Variants in STOX1 observed in about 807,000 individuals in gnomAD.
STOX1 encodes storkhead-box protein 1.
A neutral mutation model predicts 74.8 loss-of-function variants in STOX1; 57 were observed. That is an observed-to-expected ratio of 0.76 (90% CI 0.62 to 0.95). The LOEUF is 0.95. Among genes scored for constraint, STOX1 ranks in the 40% least tolerant of loss-of-function variants. The pLI is 0.00. For missense variants in STOX1, 1,010 were observed against 1,117.0 expected, an observed-to-expected ratio of 0.90 and a Z score of 1.37; for synonymous variants, 375 against 401.3, an observed-to-expected ratio of 0.93 and a Z score of 0.78.
intron 1 of STOX1, among the ~76,000 whole-genome samples, chr10:68,844,757 A>AT (rs1351477486): frequency 4.0e-5 from 6 of 151,136 alleles, no homozygotes; most frequent in Non-Finnish European, 8.9e-5. Flanking sequence ...TTGTCTTTTT[A>AT]TTTTTTAATA....
intron 1 of STOX1, among the ~76,000 whole-genome samples, chr10:68,860,623 C>CTGTTAAGT (rs1161361875): frequency 6.9e-6 from 1 of 144,850 alleles, no homozygotes; most frequent in Non-Finnish European, 1.5e-5. Context: ...TGTCATATGT[C>CTGTTAAGT]TGTTAAGTTA....
chr10:68,833,971 A>G (rs917085119), intron 1 of STOX1, among the ~76,000 whole-genome samples: 17 of 152,168 alleles, frequency 1.1e-4, no homozygotes, highest in South Asian at 4.1e-4. Flanking sequence ...GTGGGAGGCC[A>G]TGTTCTGGAA....
chr10:68,849,259 C>T (rs534829314), intron 1 of STOX1, among the ~76,000 whole-genome samples: 1 of 152,258 alleles, frequency 6.6e-6, no homozygotes, highest in South Asian at 2.1e-4. Context: ...CTAACTTCTC[C>T]CCTAACTGGC....
chr10:68,850,447 A>T (rs1839955479), intron 1 of STOX1, among the ~76,000 whole-genome samples: 1 of 152,190 alleles, frequency 6.6e-6, no homozygotes, highest in African/African-American at 2.4e-5. Context: ...AGTGCTGTAG[A>T]GCTCATTGGT....
intron 1 of STOX1, among the ~76,000 whole-genome samples, chr10:68,873,734 T>C (rs1840605265): frequency 6.9e-6 from 1 of 144,948 alleles, no homozygotes; most frequent in South Asian, 2.3e-4. Flanking sequence ...TCCTGCAAAC[T>C]CCACCTCCCG....
chr10:68,888,205 A>G (rs1283649294), intron 3 of STOX1, among the ~76,000 whole-genome samples: 1 of 152,024 alleles, frequency 6.6e-6, no homozygotes, highest in East Asian at 1.9e-4. Context: ...GGTTCAAGCA[A>G]TTCTCCTGGT....
intron 1 of STOX1, among the ~76,000 whole-genome samples, chr10:68,838,567 G>A (rs1839616173): frequency 6.6e-6 from 1 of 151,948 alleles, no homozygotes; most frequent in African/African-American, 2.4e-5. Flanking sequence ...TCTTTTATTT[G>A]TTTTTCTTGG....
chr10:68,891,568 C>T (rs1395809351), intron 3 of STOX1, among the ~76,000 whole-genome samples: 2 of 152,044 alleles, frequency 1.3e-5, no homozygotes, highest in African/African-American at 4.8e-5. Flanking sequence ...CTTTGGGAGG[C>T]TGGAGCGGGT....
rs374175865 is a variant in STOX1 at position 68,853,240 on chromosome 10, A to C, written c.310+25307A>C. On this transcript the variant is annotated intron_variant, in intron 1 of 3. Transcript: ENST00000298596. ...GTGCCCGGCCGGTCATTTTGTTTTA[A>C]TGTGATCAGCAGGTGCTAGGACCCA... Among the ~76,000 whole-genome samples the C allele has an allele frequency of 2.6e-4, 40 of 152,070 alleles. No individual in the cohort carries two copies. The South Asian group carries it at 7.9e-3, about 30-fold the overall frequency.
intron 2 of STOX1, among the ~76,000 whole-genome samples, chr10:68,882,332 T>A (rs1840830402): frequency 6.6e-6 from 1 of 152,032 alleles, no homozygotes; most frequent in African/African-American, 2.4e-5. Context: ...CTTATGGCAA[T>A]AAATAAATAA....
At position 68,831,929 on chromosome 10, in the gene STOX1, C is replaced by CTT. The variant is rs75873763; in HGVS notation, c.310+4009_310+4010dup. On this transcript the variant is annotated intron_variant, in intron 1 of 3. Transcript: ENST00000298596. ...CAAATGTTGTATTTTCTTTTCTTTT[C>CTT]TTTTTTTTTTTTTTAAGTGGAGACA... Among the ~76,000 whole-genome samples the CTT allele has an allele frequency of 9.0e-4, 129 of 143,340 alleles. 1 individual carries two copies. The highest frequency in any genetic ancestry group is 1.7e-3 in the African/African-American group (66 of 38,914). 94.0% of individuals were successfully genotyped at this position (143,340 alleles called of 152,430 possible).
At chr10:68,832,840 T>G (rs1339993246) in intron 1 of STOX1, among the ~76,000 whole-genome samples, 1 of 152,070 alleles carries the variant, frequency 6.6e-6, no homozygotes, top group Non-Finnish European at 1.5e-5. Flanking sequence ...CATGGGTCAC[T>G]GCAGCTTCGA....
chr10:68,834,303 G>A (rs1356052807), intron 1 of STOX1, among the ~76,000 whole-genome samples: 1 of 152,160 alleles, frequency 6.6e-6, no homozygotes, highest in African/African-American at 2.4e-5. Flanking sequence ...GATCTGGTTT[G>A]GGAGAGGAAG....
At chr10:68,834,053 C>T (rs1435437780) in intron 1 of STOX1, among the ~76,000 whole-genome samples, 1 of 152,150 alleles carries the variant, frequency 6.6e-6, no homozygotes, top group Admixed American at 6.6e-5. Context: ...TTTAATTAGG[C>T]AGGAGTTCTT....
intron 1 of STOX1, among the ~76,000 whole-genome samples, chr10:68,880,681 G>A (rs570113714): frequency 6.7e-5 from 10 of 148,326 alleles, no homozygotes; most frequent in African/African-American, 2.2e-4. Context: ...TTTGTTTTTT[G>A]TTTTTTTTGA....
intron 3 of STOX1, among the ~76,000 whole-genome samples, chr10:68,887,850 C>T (rs997302945): frequency 6.6e-6 from 1 of 152,122 alleles, no homozygotes; most frequent in Non-Finnish European, 1.5e-5. Flanking sequence ...CCTCCTCAGC[C>T]TCCCAAAGTG....
rs200497618 is a variant in STOX1, at chr10:68,884,573, A to G, written c.777A>G (p.Pro259=). The change falls in exon 3 of 4, where the codon CCA becomes CCG. Residue 259 remains proline, a synonymous_variant. Transcript: ENST00000298596. ...DMHTQDVQEA[P]VAAEVTRKSH... is the part of the protein sequence containing the mutation. Reference sequence around the variant, plus strand: ...ACACTCAGGATGTTCAGGAAGCACCAGTTGCTGCAGAAGTGACTAGGAAGA... The same window carrying G: ...ACACTCAGGATGTTCAGGAAGCACCGGTTGCTGCAGAAGTGACTAGGAAGA... 9.8e-5 allele frequency: 158 copies of G among 1,613,832 alleles called. No homozygotes were observed. The Middle Eastern group carries it at 5.3e-3, about 54-fold the overall frequency.
At chr10:68,843,512 G>A (rs1219274211) in intron 1 of STOX1, among the ~76,000 whole-genome samples, 1 of 152,088 alleles carries the variant, frequency 6.6e-6, no homozygotes, top group East Asian at 1.9e-4. Flanking sequence ...GATATTATCA[G>A]TATGTTATTA....
intron 1 of STOX1, among the ~76,000 whole-genome samples, chr10:68,865,161 A>T (rs1460241544): frequency 6.6e-6 from 1 of 152,244 alleles, no homozygotes; most frequent in Non-Finnish European, 1.5e-5. Flanking sequence ...TTTTACGAGT[A>T]GGTTCAATTG....
Sources: gnomAD v4.1 joint callset for allele counts (sites outside exome capture counted in the v4.1 genomes callset) on GRCh38, gnomAD v4.1.1 for gene constraint, MANE v1.5 for transcripts, NCBI Gene and HGNC (gene_info 2026-07-23, HGNC 2026-07-21) for gene names.